The following CTNND2 variants were observed in gnomAD, a reference collection of about 807,000 sequenced individuals.
The protein encoded by CTNND2 is catenin delta 2.
CTNND2 carries 22 observed loss-of-function variants against 144.4 expected under a neutral mutation model. The ratio of observed to expected loss-of-function variants is 0.15; its 90% CI spans 0.11 to 0.22. CTNND2 has a LOEUF of 0.22. CTNND2 is among the 10% of genes least tolerant of loss of function. CTNND2 has a pLI of 1.00. For missense variants in CTNND2, 1,353 were observed against 1,618.8 expected, an observed-to-expected ratio of 0.84 and a Z score of 2.82; for synonymous variants, 751 against 695.6, an observed-to-expected ratio of 1.08 and a Z score of -1.25.
intron 9 of CTNND2, among the ~76,000 whole-genome samples, chr5:11,249,258 T>G (rs1561091557): frequency 1.3e-5 from 2 of 152,222 alleles, no homozygotes; most frequent in African/African-American, 4.8e-5. Flanking sequence ...GTCACTGCCA[T>G]CCAACCGAGG....
At chr5:11,486,293 T>C (rs964582397) in intron 3 of CTNND2, among the ~76,000 whole-genome samples, 13 of 152,106 alleles carry the variant, frequency 8.5e-5, no homozygotes, top group African/African-American at 3.1e-4. Flanking sequence ...GGTGATAATA[T>C]CCAGTAGATC....
At chr5:11,568,976 T>C (rs1405725542) in intron 2 of CTNND2, among the ~76,000 whole-genome samples, 1 of 152,198 alleles carries the variant, frequency 6.6e-6, no homozygotes, top group Non-Finnish European at 1.5e-5. Context: ...AGTGAGACTG[T>C]CAAGAAAGAA....
chr5:10,983,868 T>C (rs887682915), intron 20 of CTNND2, among the ~76,000 whole-genome samples: 1 of 152,190 alleles, frequency 6.6e-6, no homozygotes, highest in East Asian at 1.9e-4. Flanking sequence ...GTTTCCTGCC[T>C]AAAATCCTAA....
intron 3 of CTNND2, among the ~76,000 whole-genome samples, chr5:11,434,334 T>C (rs1169619976): frequency 2.0e-5 from 3 of 152,184 alleles, no homozygotes; most frequent in African/African-American, 7.2e-5. Flanking sequence ...TTTGAGAGAA[T>C]AAGGTGGGGA....
intron 16 of CTNND2, among the ~76,000 whole-genome samples, chr5:11,033,636 T>G (rs574570352): frequency 1.6e-4 from 24 of 151,962 alleles, no homozygotes; most frequent in Non-Finnish European, 2.9e-4. Flanking sequence ...CGAGACCAGC[T>G]TGGCCAACAT....
intron 1 of CTNND2, among the ~76,000 whole-genome samples, chr5:11,832,720 C>T (rs565787454): frequency 6.6e-6 from 1 of 152,278 alleles, no homozygotes; most frequent in East Asian, 1.9e-4. Flanking sequence ...GCAGGCGAAT[C>T]ACTTGAGCCC....
At chr5:11,575,046 C>T (rs1047505775) in intron 2 of CTNND2, among the ~76,000 whole-genome samples, 2 of 152,214 alleles carry the variant, frequency 1.3e-5, no homozygotes, top group African/African-American at 4.8e-5. Context: ...TAATTGCCAT[C>T]TGTTCTATAT....
At chr5:11,177,779 A>G (rs949529739) in intron 11 of CTNND2, among the ~76,000 whole-genome samples, 1 of 152,180 alleles carries the variant, frequency 6.6e-6, no homozygotes, top group African/African-American at 2.4e-5. Context: ...TTTTGATATT[A>G]AGTTGTTCTT....
At chr5:11,862,018 T>A (rs942677994) in intron 1 of CTNND2, among the ~76,000 whole-genome samples, 1 of 152,182 alleles carries the variant, frequency 6.6e-6, no homozygotes, top group Non-Finnish European at 1.5e-5. Context: ...TTGTGCCCAA[T>A]CCCTCTAAAC....
At chr5:11,045,443 A>G (rs991202324) in intron 16 of CTNND2, among the ~76,000 whole-genome samples, 1 of 152,224 alleles carries the variant, frequency 6.6e-6, no homozygotes, top group Non-Finnish European at 1.5e-5. Flanking sequence ...ATACTCACTC[A>G]TTAAGGCACC....
At chr5:11,541,476 T>TA (rs996772999) in intron 3 of CTNND2, among the ~76,000 whole-genome samples, 9 of 152,088 alleles carry the variant, frequency 5.9e-5, no homozygotes, top group African/African-American at 2.2e-4. Context: ...GCCACCACGA[T>TA]AAAAGGACAT....
intron 2 of CTNND2, among the ~76,000 whole-genome samples, chr5:11,568,157 A>G (rs1431294476): frequency 1.3e-5 from 2 of 152,178 alleles, no homozygotes; most frequent in Non-Finnish European, 2.9e-5. Context: ...TACCAGGCAC[A>G]GTTTCCTCAC....
At position 10,972,538 on chromosome 5, in the gene CTNND2, T is replaced by G. The variant is rs1191101040; in HGVS notation, c.*915A>C. The G allele has an allele frequency of 6.6e-6, 1 of 152,652 alleles. No homozygotes were observed. Among genetic ancestry groups the G allele is most frequent in the African/African-American group, 2.4e-5 (1 of 41,458 alleles). The allele number at this position is 152,652 out of a possible 1,614,324, so 9.5% of individuals were successfully genotyped here. A position where few individuals can be genotyped will look rare whatever the true frequency, so the allele number is the denominator to read the frequency against. On this transcript the variant is annotated 3_prime_UTR_variant, in exon 22 of 22. Transcript: ENST00000304623. Reference sequence around the variant, plus strand: ...ATTCTTAGCAAATATGGATGACAGATCAATTGTAATTTATTTTCTTTTAAC... The same window carrying G: ...ATTCTTAGCAAATATGGATGACAGAGCAATTGTAATTTATTTTCTTTTAAC...
At chr5:11,199,403 A>G in intron 11 of CTNND2, 45 bp downstream of exon 11, 1 of 1,541,342 alleles carries the variant, frequency 6.5e-7, no homozygotes, top group African/African-American at 1.4e-5. Context: ...GATAATGGAA[A>G]GTTTATCTTG....
At chr5:11,761,901 A>T (rs1255556475) in intron 1 of CTNND2, among the ~76,000 whole-genome samples, 2 of 152,196 alleles carry the variant, frequency 1.3e-5, no homozygotes, top group African/African-American at 4.8e-5. Context: ...AAATTTGGAA[A>T]ACTAGATTCT....
intron 1 of CTNND2, among the ~76,000 whole-genome samples, chr5:11,846,246 G>A (rs568034960): frequency 6.6e-6 from 1 of 152,186 alleles, no homozygotes; most frequent in South Asian, 2.1e-4. Flanking sequence ...TTAGAAATAT[G>A]GCATATGGGC....
intron 16 of CTNND2, among the ~76,000 whole-genome samples, chr5:11,048,286 T>C (rs1745488847): frequency 6.6e-6 from 1 of 152,188 alleles, no homozygotes; most frequent in East Asian, 1.9e-4. Flanking sequence ...CAGTCAGGTA[T>C]CCCAAGGTAG....
chr5:11,512,321 A>G (rs1279030690), intron 3 of CTNND2, among the ~76,000 whole-genome samples: 1 of 152,214 alleles, frequency 6.6e-6, no homozygotes, highest in Admixed American at 6.5e-5. Context: ...CTTCTCTATA[A>G]TCCGTCTCTA....
At chr5:11,406,062 G>C (rs992641404) in intron 5 of CTNND2, among the ~76,000 whole-genome samples, 11 of 151,964 alleles carry the variant, frequency 7.2e-5, no homozygotes, top group Non-Finnish European at 1.6e-4. Context: ...CAGCAGAATC[G>C]CTTGAACCCA....
Sources: gnomAD v4.1 joint callset for allele counts (sites outside exome capture counted in the v4.1 genomes callset) on GRCh38, gnomAD v4.1.1 for gene constraint, MANE v1.5 for transcripts, NCBI Gene and HGNC (gene_info 2026-07-23, HGNC 2026-07-21) for gene names.